Variants in NBEAL1 observed in about 807,000 individuals in gnomAD.
NBEAL1 encodes neurobeachin-like protein 1.
A neutral mutation model predicts 351.3 loss-of-function variants in NBEAL1; 273 were observed. The observed-to-expected ratio is 0.78, with a 90% CI of 0.70 to 0.86. The LOEUF (loss-of-function observed/expected upper bound fraction) is 0.86, where lower values mean the gene tolerates loss of function less well. Ranked by LOEUF, NBEAL1 falls within the 40% of genes least tolerant of loss-of-function variation. The probability of loss-of-function intolerance (pLI) is 0.00; values close to 1 mark genes in which losing one functional copy is unlikely to be tolerated. For synonymous variants in NBEAL1, 1,050 were observed against 1,086.4 expected, an observed-to-expected ratio of 0.97 and a Z score of 0.66; for missense variants, 2,961 against 3,201.3, an observed-to-expected ratio of 0.92 and a Z score of 1.81.
rs2061402960 is a variant in NBEAL1 at position 203,056,438 on chromosome 2, A to G, written c.317A>G (p.Asn106Ser). Residue 106 changes from asparagine to serine, a missense_variant, in exon 5 of 56, where the codon AAT becomes AGT. Physicochemically the swap from Asn to Ser is conservative, Grantham distance 46. Transcript: ENST00000683969. ...FFIILCRNLS[N>S]VEEIGTCSYI... The stretch of plus-strand genomic sequence containing the variant: ...TCTTTTTCTCACAGAAATCTATCAA[A>G]TGTGGAAGAAATTGGGACTTGCTCG... The G allele has an allele frequency of 1.3e-6, 2 of 1,539,456 alleles. No individual in the cohort carries two copies. The highest frequency in any genetic ancestry group is 8.8e-7 in the Non-Finnish European group (1 of 1,135,090).
chr2:203,181,438 A>G (rs1471468979), intron 43 of NBEAL1: 1 of 152,156 alleles, frequency 6.6e-6, no homozygotes, highest in Non-Finnish European at 1.5e-5. Context: ...ATATTTGAAA[A>G]TTTATGTTAT....
intron 16 of NBEAL1, among the ~76,000 whole-genome samples, chr2:203,112,330 A>G (rs535481824): frequency 2.6e-5 from 4 of 152,378 alleles, no homozygotes; most frequent in African/African-American, 9.6e-5. Context: ...AAAGGCTTAG[A>G]AAGAAAGACT....
At chr2:203,035,456 A>G (rs887669588) in intron 2 of NBEAL1, among the ~76,000 whole-genome samples, 8 of 149,584 alleles carry the variant, frequency 5.3e-5, no homozygotes, top group African/African-American at 1.9e-4. Context: ...TGAATATTTA[A>G]GTACAGAATC....
intron 7 of NBEAL1, among the ~76,000 whole-genome samples, chr2:203,070,953 G>C (rs1435930687): frequency 6.6e-6 from 1 of 152,154 alleles, no homozygotes; most frequent in African/African-American, 2.4e-5. Flanking sequence ...TTGTAGATAA[G>C]GTCTTGCTGT....
At chr2:203,190,418 A>G in intron 46 of NBEAL1, 29 bp downstream of exon 46, 6 of 1,480,034 alleles carry the variant, frequency 4.1e-6, no homozygotes, top group Non-Finnish European at 5.6e-6. Flanking sequence ...AAGTAGATTT[A>G]AGTCAACTTA....
At chr2:203,137,503 T>A (rs1248574078) in intron 29 of NBEAL1, among the ~76,000 whole-genome samples, 4 of 152,190 alleles carry the variant, frequency 2.6e-5, no homozygotes, top group Non-Finnish European at 5.9e-5. Flanking sequence ...ATAATAAGGC[T>A]TTCTTCCCTA....
Position 203,208,688 on chromosome 2 carries a change from C to A in NBEAL1, c.7558C>A (p.His2520Asn), listed in dbSNP as rs200435235. ...TAAACCTTTTCAGATTCTTTATGGA[C>A]ACACCAACGAGGTACTGAGTGTCGG... ...ASKPFQILYG[H>N]TNEVLSVGIS... The change falls in exon 52 of 56, where the codon CAC becomes AAC. Residue 2520 changes from histidine (H) to asparagine (N), a missense_variant. Transcript: ENST00000683969. 3.1e-6 allele frequency: 5 copies of A among 1,612,700 alleles called. No homozygotes were observed. The East Asian group carries it at 1.1e-4, about 36-fold the overall frequency.
chr2:203,165,660 T>C (rs1473988147), intron 36 of NBEAL1, among the ~76,000 whole-genome samples: 1 of 152,202 alleles, frequency 6.6e-6, no homozygotes, highest in Non-Finnish European at 1.5e-5. Context: ...TAAAAATATT[T>C]GGATACTGTT....
At position 203,217,617 on chromosome 2, in the gene NBEAL1, G is replaced by T; in HGVS notation, c.*263G>T. 1 of 1,027,864 alleles carries T rather than the reference G, an allele frequency of 9.7e-7. No homozygotes were observed. The highest frequency in any genetic ancestry group is 1.2e-6 in the Non-Finnish European group (1 of 845,790). The allele number at this position is 1,027,864 out of a possible 1,614,324, so 63.7% of individuals were successfully genotyped here. A position where few individuals can be genotyped will look rare whatever the true frequency, so the allele number is the denominator to read the frequency against. On this transcript the variant is annotated 3_prime_UTR_variant, in exon 56 of 56. Coordinates refer to ENST00000683969, the MANE Select transcript of NBEAL1 (RefSeq NM_001378026.1). Reference sequence around the variant, plus strand: ...AAAACAAACTAAAATGAGAACATTAGGTTCAATTTTCTTATTATTCCAAAT... The same window carrying T: ...AAAACAAACTAAAATGAGAACATTATGTTCAATTTTCTTATTATTCCAAAT...
chr2:203,209,202 C>T lies in NBEAL1; in HGVS notation c.7665C>T (p.Tyr2555=). The change falls in exon 53 of 56, where the codon TAC becomes TAT. Residue 2555 remains tyrosine, a synonymous_variant. Transcript: ENST00000683969. ...TACATACCATTCAGAAAGGTCAGTA[C>T]ATGAGGACTTTACGACCACCTTGTG... ...VIIHTIQKGQ[Y]MRTLRPPCES... 2 of 1,613,586 alleles carry T rather than the reference C, an allele frequency of 1.2e-6. No homozygotes were observed. The highest frequency in any genetic ancestry group is 1.7e-6 in the Non-Finnish European group (2 of 1,179,544).
At chr2:203,210,326 G>A (rs2065747665) in intron 53 of NBEAL1, among the ~76,000 whole-genome samples, 1 of 144,200 alleles carries the variant, frequency 6.9e-6, no homozygotes, top group South Asian at 2.2e-4. Context: ...TTATGCCACT[G>A]CACTCCAGCC....
intron 43 of NBEAL1, chr2:203,181,978 T>C (rs2105739868): frequency 6.6e-6 from 1 of 152,318 alleles, no homozygotes; most frequent in Non-Finnish European, 1.5e-5. Flanking sequence ...TTTAGCACCA[T>C]TGTCCTGATG....
intron 41 of NBEAL1, 40 bp from the exon 42 acceptor site, chr2:203,175,107 A>T: frequency 3.9e-6 from 6 of 1,547,854 alleles, no homozygotes; most frequent in Non-Finnish European, 5.3e-6. Context: ...TATGTACTTT[A>T]TTATTGTGGT....
intron 27 of NBEAL1, among the ~76,000 whole-genome samples, chr2:203,134,315 G>C (rs1207765948): frequency 1.3e-5 from 2 of 152,020 alleles, no homozygotes; most frequent in African/African-American, 4.8e-5. Context: ...CATATTTTAT[G>C]GAAACTTTAA....
chr2:203,179,357 C>T (rs1371882869), intron 42 of NBEAL1, among the ~76,000 whole-genome samples: 1 of 152,170 alleles, frequency 6.6e-6, no homozygotes, highest in Non-Finnish European at 1.5e-5. Context: ...TTAGTCCCAG[C>T]TACTTGGAAG....
chr2:203,111,160 C>T (rs2106242348), intron 15 of NBEAL1, among the ~76,000 whole-genome samples: 1 of 152,116 alleles, frequency 6.6e-6, no homozygotes, highest in Non-Finnish European at 1.5e-5. Flanking sequence ...GGGTGAGACT[C>T]TCTCTACAAA....
At chr2:203,122,374 T>G (rs2062850807) in intron 19 of NBEAL1, 31 bp downstream of exon 19, 2 of 1,264,132 alleles carry the variant, frequency 1.6e-6, no homozygotes, top group African/African-American at 1.5e-5. Flanking sequence ...GGGCAACATC[T>G]TACATAATTT....
intron 36 of NBEAL1, among the ~76,000 whole-genome samples, chr2:203,159,252 A>G (rs1283229416): frequency 1.3e-5 from 2 of 152,152 alleles, no homozygotes; most frequent in African/African-American, 4.8e-5. Context: ...TTTAATGCAT[A>G]CAATACAGTG....
At chr2:203,036,340 A>T (rs2061039757) in intron 2 of NBEAL1, among the ~76,000 whole-genome samples, 1 of 148,948 alleles carries the variant, frequency 6.7e-6, no homozygotes. Context: ...TATGACCTTG[A>T]GTTTACTGAT....
Sources: gnomAD v4.1 joint callset for allele counts (sites outside exome capture counted in the v4.1 genomes callset) on GRCh38, gnomAD v4.1.1 for gene constraint, MANE v1.5 for transcripts, NCBI Gene and HGNC (gene_info 2026-07-23, HGNC 2026-07-21) for gene names.